PTPN4: variants seen among roughly 807,000 people sequenced by gnomAD.
PTPN4 encodes tyrosine-protein phosphatase non-receptor type 4.
PTPN4 carries 49 observed loss-of-function variants against 135.5 expected under a neutral mutation model. That is an observed-to-expected ratio of 0.36 (90% CI 0.29 to 0.46). The LOEUF (loss-of-function observed/expected upper bound fraction) is 0.46, where lower values mean the gene tolerates loss of function less well. Among genes scored for constraint, PTPN4 ranks in the 20% least tolerant of loss-of-function variants. PTPN4 has a pLI of 1.00. For synonymous variants in PTPN4, 333 were observed against 369.9 expected, an observed-to-expected ratio of 0.90 and a Z score of 1.14; for missense variants, 860 against 1,101.0, an observed-to-expected ratio of 0.78 and a Z score of 3.10.
chr2:119,946,023 C>G (rs990884262), intron 16 of PTPN4, among the ~76,000 whole-genome samples: 36 of 152,096 alleles, frequency 2.4e-4, no homozygotes, highest in African/African-American at 8.2e-4. Flanking sequence ...TCTGTATACT[C>G]ATACATATGA....
chr2:119,816,540 T>C (rs1259865805), intron 2 of PTPN4, among the ~76,000 whole-genome samples: 1 of 152,182 alleles, frequency 6.6e-6, no homozygotes, highest in Non-Finnish European at 1.5e-5. Context: ...CACATTACAT[T>C]TATTGTGTAT....
intron 1 of PTPN4, among the ~76,000 whole-genome samples, chr2:119,789,623 G>GC (rs1691106108): frequency 1.3e-5 from 2 of 151,950 alleles, no homozygotes; most frequent in African/African-American, 4.8e-5. Flanking sequence ...CATCTCAGAG[G>GC]ATTTTCTGAT....
chr2:119,847,483 A>T (rs919509430), intron 2 of PTPN4, among the ~76,000 whole-genome samples: 3 of 151,894 alleles, frequency 2.0e-5, no homozygotes, highest in Non-Finnish European at 4.4e-5. Flanking sequence ...ATGCACTACC[A>T]CGCCCAGCTA....
intron 2 of PTPN4, among the ~76,000 whole-genome samples, chr2:119,822,516 GC>G (rs749485466): frequency 1.1e-4 from 17 of 152,154 alleles, no homozygotes; most frequent in South Asian, 8.3e-4. Flanking sequence ...GTGCCACCAT[GC>G]CCAGCTGATT....
chr2:119,932,990 G>A (rs566013192), intron 14 of PTPN4, among the ~76,000 whole-genome samples: 13 of 152,086 alleles, frequency 8.5e-5, no homozygotes, highest in Non-Finnish European at 8.8e-5. Flanking sequence ...GCTTCAGCAC[G>A]TTCTATGGCC....
intron 26 of PTPN4, among the ~76,000 whole-genome samples, chr2:119,975,642 T>C (rs1457506114): frequency 6.6e-6 from 1 of 152,122 alleles, no homozygotes; most frequent in Non-Finnish European, 1.5e-5. Context: ...GGAGACTCTC[T>C]TGAACCCGGG....
At chr2:119,918,674 T>C (rs962179897) in intron 11 of PTPN4, among the ~76,000 whole-genome samples, 1 of 152,218 alleles carries the variant, frequency 6.6e-6, no homozygotes, top group African/African-American at 2.4e-5. Flanking sequence ...TATATTGATC[T>C]ACCCATTTTG....
At chr2:119,940,827 A>T (rs550950896) in intron 15 of PTPN4, among the ~76,000 whole-genome samples, 4 of 152,114 alleles carry the variant, frequency 2.6e-5, no homozygotes, top group South Asian at 4.2e-4. Flanking sequence ...ACCGTTTTTT[A>T]AAAAAAATTC....
chr2:119,870,049 G>A (rs1418079854), intron 3 of PTPN4, among the ~76,000 whole-genome samples: 1 of 152,170 alleles, frequency 6.6e-6, no homozygotes, highest in Non-Finnish European at 1.5e-5. Flanking sequence ...GCAGAATAAA[G>A]CTGTGTGTTA....
intron 3 of PTPN4, among the ~76,000 whole-genome samples, chr2:119,873,888 A>G (rs1677949204): frequency 6.6e-6 from 1 of 152,190 alleles, no homozygotes; most frequent in Non-Finnish European, 1.5e-5. Context: ...GAACAAAATT[A>G]AGGGTTTATC....
intron 2 of PTPN4, among the ~76,000 whole-genome samples, chr2:119,828,524 A>G (rs1257634333): frequency 6.6e-6 from 1 of 152,228 alleles, no homozygotes; most frequent in Non-Finnish European, 1.5e-5. Flanking sequence ...ACAGTCTTAC[A>G]ATACATATAT....
intron 8 of PTPN4, among the ~76,000 whole-genome samples, chr2:119,883,053 G>GT (rs1178783107): frequency 1.3e-5 from 2 of 152,060 alleles, no homozygotes; most frequent in African/African-American, 4.8e-5. Flanking sequence ...TTTAAGAACA[G>GT]TACAGGTTGA....
In PTPN4 at chr2:119,977,354, A is replaced by G. The variant is rs771044012; in HGVS notation, c.*284A>G. On this transcript the variant is annotated 3_prime_UTR_variant, in exon 27 of 27. Coordinates refer to ENST00000263708, the MANE Select transcript of PTPN4 (RefSeq NM_002830.4). Reference sequence around the variant, plus strand: ...TGAAATTTTGTGGTGGTGCCATGCAATCCCCTTTTGGTAGAATTGCCACAA... The same window carrying G: ...TGAAATTTTGTGGTGGTGCCATGCAGTCCCCTTTTGGTAGAATTGCCACAA... 1 of 286,178 alleles carries G rather than the reference A, an allele frequency of 3.5e-6. No individual in the cohort carries two copies. Among genetic ancestry groups the G allele is most frequent in the Non-Finnish European group, 5.8e-6 (1 of 172,448 alleles). The allele number at this position is 286,178 out of a possible 1,614,324, so 17.7% of individuals were successfully genotyped here. A position where few individuals can be genotyped will look rare whatever the true frequency, so the allele number is the denominator to read the frequency against.
At chr2:119,900,885 T>C (rs972906388) in intron 10 of PTPN4, 79 bp downstream of exon 10, 2 of 827,008 alleles carry the variant, frequency 2.4e-6, no homozygotes, top group Admixed American at 2.9e-5. Context: ...CAGTGGCTGT[T>C]GAACTATTTT....
chr2:119,881,382 A>G (rs140409184), intron 5 of PTPN4, among the ~76,000 whole-genome samples: 19 of 152,274 alleles, frequency 1.2e-4, no homozygotes, highest in African/African-American at 4.3e-4. Flanking sequence ...TCTATCTCAG[A>G]CCAGCGAAAA....
At chr2:119,969,927 A>T (rs1388817999) in intron 26 of PTPN4, among the ~76,000 whole-genome samples, 1 of 152,220 alleles carries the variant, frequency 6.6e-6, no homozygotes, top group Non-Finnish European at 1.5e-5. Flanking sequence ...CCGTCTTTTT[A>T]AATTTTATAA....
chr2:119,777,844 T>C (rs549350890), intron 1 of PTPN4, among the ~76,000 whole-genome samples: 1 of 152,044 alleles, frequency 6.6e-6, no homozygotes, highest in South Asian at 2.1e-4. Flanking sequence ...CCCTAAGAGA[T>C]GAGGTCTTGG....
At chr2:119,962,257 C>A (rs1046090383) in intron 23 of PTPN4, among the ~76,000 whole-genome samples, 1 of 152,116 alleles carries the variant, frequency 6.6e-6, no homozygotes, top group Non-Finnish European at 1.5e-5. Context: ...GAGTTCGAGA[C>A]CAGCCTGACC....
At chr2:119,845,506 A>T (rs1439327829) in intron 2 of PTPN4, among the ~76,000 whole-genome samples, 1 of 152,136 alleles carries the variant, frequency 6.6e-6, no homozygotes, top group Non-Finnish European at 1.5e-5. Context: ...CTATCGGCAT[A>T]CATTTGTTCA....
Sources: gnomAD v4.1 joint callset for allele counts (sites outside exome capture counted in the v4.1 genomes callset) on GRCh38, gnomAD v4.1.1 for gene constraint, MANE v1.5 for transcripts, NCBI Gene and HGNC (gene_info 2026-07-23, HGNC 2026-07-21) for gene names.